Variants in DCAF12 observed in about 807,000 individuals in gnomAD.
DCAF12 encodes DDB1 and CUL4 associated factor 12, also known as DDB1- and CUL4-associated factor 12.
DCAF12 carries 28 observed loss-of-function variants against 52.8 expected under a neutral mutation model. That is an observed-to-expected ratio of 0.53 (90% CI 0.39 to 0.73). The LOEUF is 0.73. DCAF12 is among the 30% of genes least tolerant of loss of function. DCAF12 has a pLI of 0.00. For missense variants in DCAF12, 425 were observed against 552.2 expected (o/e 0.77, Z 2.31); for synonymous variants, 196 against 215.5 (o/e 0.91, Z 0.79).
intron 4 of DCAF12, 132 bp downstream of exon 4, chr9:34,106,302 C>T (rs1828902644): frequency 3.0e-6 from 2 of 665,204 alleles, no homozygotes; most frequent in Admixed American, 5.5e-5. Flanking sequence ...CTCAGCCTCC[C>T]AAAGTGCTGG....
intron 2 of DCAF12, chr9:34,109,024 G>A: frequency 6.8e-6 from 1 of 146,606 alleles, no homozygotes; most frequent in South Asian, 2.1e-4. Flanking sequence ...TTTTTCACTA[G>A]GAAAATGGTT....
At chr9:34,112,142 C>CAA (rs796997762) in intron 2 of DCAF12, among the ~76,000 whole-genome samples, 7 of 116,018 alleles carry the variant, frequency 6.0e-5, no homozygotes, top group African/African-American at 1.9e-4. Flanking sequence ...GACTCCAACT[C>CAA]AAAAAAAAAA....
chr9:34,117,905 ACT>A (rs1464292628), intron 2 of DCAF12, among the ~76,000 whole-genome samples: 1 of 152,076 alleles, frequency 6.6e-6, no homozygotes, highest in East Asian at 1.9e-4. Flanking sequence ...CAAGAGCGAA[ACT>A]CTGTCTCAAA....
At chr9:34,098,033 A>G (rs1357529737) in intron 5 of DCAF12, among the ~76,000 whole-genome samples, 1 of 152,208 alleles carries the variant, frequency 6.6e-6, no homozygotes, top group Non-Finnish European at 1.5e-5. Flanking sequence ...CAGCACCTGC[A>G]AAGGCATGTG....
intron 8 of DCAF12, 56 bp from the exon 9 acceptor site, chr9:34,088,564 G>T (rs878875671): frequency 3.1e-6 from 5 of 1,592,512 alleles, no homozygotes; most frequent in East Asian, 2.2e-5. Context: ...GCAGGAAAAG[G>T]GGGAGGAAGG....
intron 7 of DCAF12, among the ~76,000 whole-genome samples, chr9:34,091,191 G>C (rs1390768756): frequency 1.3e-5 from 2 of 151,888 alleles, no homozygotes; most frequent in Admixed American, 6.6e-5. Flanking sequence ...GCTGGGCATG[G>C]TGGTACGCGC....
At position 34,114,727 on chromosome 9, in the gene DCAF12, T is replaced by G. The variant is rs185631090; in HGVS notation, c.334-7162A>C. ...TCTAGGATGGGGGGAAAGAGACATGTAAGACTAGTGAGTCTATCTCTGCAT... is the reference window on the plus strand; with the variant it reads ...TCTAGGATGGGGGGAAAGAGACATGGAAGACTAGTGAGTCTATCTCTGCAT... On this transcript the variant is annotated intron_variant, in intron 2 of 8. Transcript: ENST00000361264. Among the ~76,000 whole-genome samples the G allele has an allele frequency of 6.7e-3, 1,023 of 152,208 alleles. 5 individuals are homozygous for G. The highest frequency in any genetic ancestry group is 0.012 in the Non-Finnish European group (784 of 68,006).
rs1053483596 is a variant in DCAF12, at chr9:34,087,601, G to C, written c.*749C>G. The C allele has an allele frequency of 6.6e-6, 1 of 152,204 alleles. No individual in the cohort carries two copies. The highest frequency in any genetic ancestry group is 1.5e-5 in the Non-Finnish European group (1 of 68,064). 9.4% of individuals were successfully genotyped at this position (152,204 alleles called of 1,614,324 possible). A position where few individuals can be genotyped will look rare whatever the true frequency, so the allele number is the denominator to read the frequency against. On this transcript the variant is annotated 3_prime_UTR_variant, in exon 9 of 9. Transcript: ENST00000361264. ...AGTGACACCAACTTCCCACACGGGG[G>C]ACACACAGGTGGGAAGACAGGTAGG...
At chr9:34,099,593 T>A (rs1015649024) in intron 4 of DCAF12, among the ~76,000 whole-genome samples, 1 of 114,516 alleles carries the variant, frequency 8.7e-6, no homozygotes, top group Non-Finnish European at 2.1e-5. Flanking sequence ...TTTATTTTTC[T>A]TTTTTTTCCC....
intron 4 of DCAF12, among the ~76,000 whole-genome samples, chr9:34,103,118 A>G (rs1056792624): frequency 3.8e-4 from 53 of 137,968 alleles, no homozygotes; most frequent in African/African-American, 1.2e-3. Context: ...AAAAAAAAAA[A>G]AGAGAAACAA....
At chr9:34,122,920 T>C (rs1219383680) in intron 2 of DCAF12, among the ~76,000 whole-genome samples, 1 of 152,268 alleles carries the variant, frequency 6.6e-6, no homozygotes, top group Non-Finnish European at 1.5e-5. Context: ...TTAGCTTTTC[T>C]GTCTGGCTCC....
intron 5 of DCAF12, among the ~76,000 whole-genome samples, chr9:34,097,806 G>A (rs1392473728): frequency 6.6e-6 from 1 of 152,012 alleles, no homozygotes; most frequent in Admixed American, 6.6e-5. Flanking sequence ...AGCGGTGCAT[G>A]CCTGTAGTCC....
In DCAF12 at chr9:34,107,577, A is replaced by C. The variant is rs760344740; in HGVS notation, c.334-12T>G. ...TCTACGACAAATAGCTACAAGAAAA[A>C]ATGGATACAGAAGCTGAACATAAAT... On this transcript the variant is annotated splice_polypyrimidine_tract_variant and intron_variant, in intron 2 of 8. Transcript: ENST00000361264. The C allele has an allele frequency of 6.2e-7, 1 of 1,613,406 alleles. No individual in the cohort carries two copies. The highest frequency in any genetic ancestry group is 2.2e-5 in the East Asian group (1 of 44,880).
chr9:34,126,686 G>A lies in DCAF12; in HGVS notation c.-255C>T. 1.8e-6 allele frequency: 1 copy of A among 561,868 alleles called. No individual in the cohort carries two copies. Among genetic ancestry groups the A allele is most frequent in the Non-Finnish European group, 3.1e-6 (1 of 319,028 alleles). 34.8% of individuals were successfully genotyped at this position (561,868 alleles called of 1,614,324 possible). A position where few individuals can be genotyped will look rare whatever the true frequency, so the allele number is the denominator to read the frequency against. ...CGACGGCAGAGCCTGCAAGGACGGC[G>A]AGCGGCTAGAACCAAAACACCCCCT... On this transcript the variant is annotated 5_prime_UTR_variant, in exon 1 of 9. Transcript: ENST00000361264.
chr9:34,125,339 T>C (rs778395986), intron 1 of DCAF12, 62 bp from the exon 2 acceptor site: 21 of 1,568,996 alleles, frequency 1.3e-5, no homozygotes, highest in Non-Finnish European at 1.8e-5. Context: ...GATCCTACTG[T>C]ATTACAGAAA....
rs772478894 is a variant in DCAF12, at chr9:34,088,504, T to A, written c.1208A>T (p.His403Leu). The A allele has an allele frequency of 6.2e-7, 1 of 1,614,010 alleles. No individual in the cohort carries two copies. The highest frequency in any genetic ancestry group is 1.3e-5 in the African/African-American group (1 of 74,922). ...KLTTGKGWLN[H>L]DETWRNYFSD... ...AAAGTAATTCCTCCAGGTTTCATCA[T>A]GATTCTACGGGAAGAGAAAGAGACT... Residue 403 changes from histidine (H) to leucine (L), a missense_variant, in exon 9 of 9, where the codon CAT (histidine) becomes CTT (leucine). Around this residue, in one of 3 missense-constraint regions of DCAF12, gnomAD observed 328 missense variants for 444.4 expected, o/e 0.74. Transcript: ENST00000361264.
chr9:34,097,520 T>A (rs1390831875), intron 5 of DCAF12, among the ~76,000 whole-genome samples: 1 of 152,044 alleles, frequency 6.6e-6, no homozygotes, highest in Admixed American at 6.6e-5. Flanking sequence ...CCTCCGAAAG[T>A]GCAGGGATTA....
At chr9:34,098,627 A>G (rs887338035) in intron 4 of DCAF12, 110 bp from the exon 5 acceptor site, 81 of 1,210,480 alleles carry the variant, frequency 6.7e-5, no homozygotes, top group Non-Finnish European at 8.3e-5. Flanking sequence ...TCATCCTCAT[A>G]TGTGCTGAAG....
At chr9:34,117,915 A>C (rs1301739726) in intron 2 of DCAF12, among the ~76,000 whole-genome samples, 1 of 152,154 alleles carries the variant, frequency 6.6e-6, no homozygotes, top group African/African-American at 2.4e-5. Context: ...ACTCTGTCTC[A>C]AAAAAACAAA....
Sources: allele counts gnomAD v4.1 joint callset (sites outside exome capture counted in the v4.1 genomes callset), GRCh38; gene constraint gnomAD v4.1.1; regional missense constraint gnomAD v4.1.1; transcripts MANE v1.5; gene names NCBI Gene and HGNC (gene_info 2026-07-23, HGNC 2026-07-21).